IQUB: variants seen among roughly 807,000 people sequenced by gnomAD.
IQUB encodes the protein IQ motif and ubiquitin-like domain-containing protein.
IQUB carries 86 observed loss-of-function variants against 86.4 expected under a neutral mutation model. The ratio of observed to expected loss-of-function variants is 1.00; its 90% CI spans 0.84 to 1.19. The LOEUF (loss-of-function observed/expected upper bound fraction) is 1.19. Ranked by LOEUF, IQUB falls within the 50% of genes most tolerant of loss-of-function variation. IQUB has a pLI of 0.00. For missense variants in IQUB, 946 were observed against 916.9 expected (o/e 1.03, Z -0.41); for synonymous variants, 289 against 304.5 (o/e 0.95, Z 0.53).
intron 12 of IQUB, among the ~76,000 whole-genome samples, chr7:123,454,562 G>A (rs1793604296): frequency 6.6e-6 from 1 of 152,062 alleles, no homozygotes; most frequent in Non-Finnish European, 1.5e-5. Flanking sequence ...ATAGGGATGG[G>A]TGGACATCAA....
intron 11 of IQUB, among the ~76,000 whole-genome samples, chr7:123,459,526 C>G (rs1793886938): frequency 6.6e-6 from 1 of 151,990 alleles, no homozygotes. Context: ...CCTCCTGGCT[C>G]TATAGCAGCC....
At chr7:123,525,276 G>T (rs571987506) in intron 1 of IQUB, among the ~76,000 whole-genome samples, 4 of 152,064 alleles carry the variant, frequency 2.6e-5, no homozygotes, top group Admixed American at 2.6e-4. Context: ...AGAAGGAATG[G>T]TACCATTTCC....
At chr7:123,462,720 TAGGCATTAAATTAGCAAATATATC>T in intron 10 of IQUB, 1 of 402,068 alleles carries the variant, frequency 2.5e-6, no homozygotes, top group South Asian at 1.8e-5. Flanking sequence ...TCATGCCTCC[TAGGCATTAAATTAGCAAATATATC>T]AGTCAACCTC....
rs112182877 is a variant in IQUB, at chr7:123,498,073, GA to G, written c.1024-1168del. Among the ~76,000 whole-genome samples the G allele has an allele frequency of 1.0e-3, 142 of 141,018 alleles. 1 individual carries two copies. Among genetic ancestry groups the G allele is most frequent in the Middle Eastern group, 3.6e-3 (1 of 276 alleles). The allele number at this position is 141,018 out of a possible 152,430, so 92.5% of individuals were successfully genotyped here. A position where few individuals can be genotyped will look rare whatever the true frequency, so the allele number is the denominator to read the frequency against. On this transcript the variant is annotated intron_variant, in intron 6 of 12. Coordinates refer to ENST00000324698, the MANE Select transcript of IQUB (RefSeq NM_178827.5). Reference sequence around the variant, plus strand: ...TGTCCCAGAAGGTGACACCCAGGATGAAAAAAAAAAAGCCCCCTATCCAGAA... The same window carrying G: ...TGTCCCAGAAGGTGACACCCAGGATGAAAAAAAAAAGCCCCCTATCCAGAA...
chr7:123,523,866 GA>G (rs1295653134), intron 1 of IQUB, among the ~76,000 whole-genome samples: 1 of 152,122 alleles, frequency 6.6e-6, no homozygotes, highest in Admixed American at 6.5e-5. Context: ...AATCCATCTT[GA>G]ATTGATTTTT....
chr7:123,458,723 A>C (rs759292611), intron 11 of IQUB, among the ~76,000 whole-genome samples: 1 of 152,032 alleles, frequency 6.6e-6, no homozygotes, highest in Non-Finnish European at 1.5e-5. Context: ...AAATGTGCAC[A>C]TAAGTGTGGT....
At chr7:123,531,788 A>T (rs3863952) in intron 1 of IQUB, among the ~76,000 whole-genome samples, 12 of 152,244 alleles carry the variant, frequency 7.9e-5, no homozygotes, top group African/African-American at 2.6e-4. Context: ...TTTCATTAAG[A>T]AAGTGTTTCA....
At position 123,509,938 on chromosome 7, in the gene IQUB, T is replaced by C; in HGVS notation, c.495A>G (p.Leu165=). 3 of 1,610,102 alleles carry C rather than the reference T, an allele frequency of 1.9e-6. No homozygotes were observed. The highest frequency in any genetic ancestry group is 1.8e-4 in the Middle Eastern group (1 of 5,696). Residue 165 remains leucine (L), a synonymous_variant, in exon 3 of 13, where the codon TTA becomes TTG. Coordinates refer to ENST00000324698, the MANE Select transcript of IQUB (RefSeq NM_178827.5). The stretch of plus-strand genomic sequence containing the variant: ...TCTGCAGTACAGAATGTGGGATACC[T>C]AATAAGTGTGAAAAATGGTCCTTAA... ...KYLKDHFSHL[L]GIPHSVLQIR... is the part of the protein sequence containing the mutation.
intron 3 of IQUB, among the ~76,000 whole-genome samples, chr7:123,506,740 C>T (rs996786817): frequency 8.5e-5 from 13 of 152,104 alleles, no homozygotes; most frequent in Non-Finnish European, 1.9e-4. Flanking sequence ...AAATCCAAAC[C>T]ACATCGCCCC....
At position 123,509,974 on chromosome 7, in the gene IQUB, A is replaced by G; in HGVS notation, c.459T>C (p.Ile153=). 6.2e-7 allele frequency: 1 copy of G among 1,601,768 alleles called. No homozygotes were observed. Among genetic ancestry groups the G allele is most frequent in the Middle Eastern group, 1.7e-4 (1 of 5,858 alleles). Residue 153 remains isoleucine, a synonymous_variant, in exon 3 of 13, where the codon ATT becomes ATC. Transcript: ENST00000324698. ...EIVIPFKVDT[I]LKYLKDHFSH... is the part of the protein sequence containing the mutation. ...AAAAATGGTCCTTAAGATATTTAAGAATGGTATCAACCTTAAAAGGTATTA... is the reference window on the plus strand; with the variant it reads ...AAAAATGGTCCTTAAGATATTTAAGGATGGTATCAACCTTAAAAGGTATTA...
chr7:123,466,633 G>C (rs561547561), intron 9 of IQUB, among the ~76,000 whole-genome samples: 10 of 152,168 alleles, frequency 6.6e-5, no homozygotes, highest in Non-Finnish European at 1.2e-4. Flanking sequence ...TGTGTGCCTT[G>C]GAGGACAGAC....
chr7:123,483,787 C>A lies in IQUB; in HGVS notation c.1235-3817G>T, dbSNP rs921280305. On this transcript the variant is annotated intron_variant, in intron 7 of 12. Coordinates refer to ENST00000324698, the MANE Select transcript of IQUB (RefSeq NM_178827.5). Reference sequence around the variant, plus strand: ...AGATCTATTCTTGGCAGATTACTTACCCTTGGTCTTCCATTATATACAATT... The same window carrying A: ...AGATCTATTCTTGGCAGATTACTTAACCTTGGTCTTCCATTATATACAATT... 2.0e-5 allele frequency among the ~76,000 whole-genome samples: 3 copies of A among 152,022 alleles called. No individual in the cohort carries two copies. In the South Asian group the frequency reaches 6.2e-4, roughly 31 times the overall value.
chr7:123,526,606 T>C (rs990135823), intron 1 of IQUB, among the ~76,000 whole-genome samples: 1 of 151,370 alleles, frequency 6.6e-6, no homozygotes, highest in African/African-American at 2.4e-5. Context: ...GCACGTGAGA[T>C]GGGTTTCCTG....
chr7:123,467,214 G>T (rs1293667799), intron 9 of IQUB, among the ~76,000 whole-genome samples: 2 of 151,904 alleles, frequency 1.3e-5, no homozygotes, highest in African/African-American at 2.4e-5. Context: ...CTATACCAAT[G>T]GTCCTAATAA....
At chr7:123,513,867 T>C (rs1380119086) in intron 1 of IQUB, among the ~76,000 whole-genome samples, 2 of 152,180 alleles carry the variant, frequency 1.3e-5, no homozygotes, top group Non-Finnish European at 2.9e-5. Context: ...CAGGCTGGTC[T>C]CAAACTCCTG....
rs951685309 is a variant in IQUB, at chr7:123,534,407, C to T, written c.-5+85G>A. On this transcript the variant is annotated intron_variant, in intron 1 of 12. Transcript: ENST00000324698. ...GGGAATCACTGCCCAGCACACAGAA[C>T]CCAGAGTCCAGCGCGGCTGTCACCG... The T allele has an allele frequency of 2.0e-5, 3 of 152,630 alleles. No homozygotes were observed. In the East Asian group the frequency reaches 5.8e-4, roughly 29 times the overall value. The allele number at this position is 152,630 out of a possible 1,614,324, so 9.5% of individuals were successfully genotyped here. A position where few individuals can be genotyped will look rare whatever the true frequency, so the allele number is the denominator to read the frequency against.
intron 10 of IQUB, among the ~76,000 whole-genome samples, chr7:123,464,101 T>G (rs947157858): frequency 6.6e-6 from 1 of 151,788 alleles, no homozygotes; most frequent in African/African-American, 2.4e-5. Context: ...AGTCAGCTTT[T>G]TAAGTAAATT....
chr7:123,475,729 C>A (rs1459463030), intron 8 of IQUB, among the ~76,000 whole-genome samples: 3 of 152,134 alleles, frequency 2.0e-5, no homozygotes, highest in African/African-American at 2.4e-5. Flanking sequence ...TGACACCCAT[C>A]TTCCCTGTCC....
At chr7:123,465,125 T>G in intron 9 of IQUB, 116 bp from the exon 10 acceptor site, 1 of 679,398 alleles carries the variant, frequency 1.5e-6, no homozygotes, top group Non-Finnish European at 2.5e-6. Context: ...ACATTGTCAA[T>G]AGGAGTATAA....
Sources: allele counts gnomAD v4.1 joint callset (sites outside exome capture counted in the v4.1 genomes callset), GRCh38; gene constraint gnomAD v4.1.1; transcripts MANE v1.5; gene names NCBI Gene and HGNC (gene_info 2026-07-23, HGNC 2026-07-21).